Variants in RUVBL1 observed in about 807,000 individuals in gnomAD.
The protein encoded by RUVBL1 is ruvB-like 1.
RUVBL1 carries 4 observed loss-of-function variants against 52.4 expected under a neutral mutation model. That is an observed-to-expected ratio of 0.08 (90% CI 0.04 to 0.17). The LOEUF (loss-of-function observed/expected upper bound fraction) is 0.17, where lower values mean the gene tolerates loss of function less well. Ranked by LOEUF, RUVBL1 falls within the 10% of genes least tolerant of loss-of-function variation. The probability of loss-of-function intolerance (pLI) is 1.00; values close to 1 mark genes in which losing one functional copy is unlikely to be tolerated. For synonymous variants in RUVBL1, 217 were observed against 214.4 expected (o/e 1.01, Z -0.10); for missense variants, 298 against 572.8 (o/e 0.52, Z 4.90).
At chr3:128,078,461 T>A (rs571724993), downstream of RUVBL1, among the ~76,000 whole-genome samples, 19 of 152,282 alleles carry the variant, frequency 1.2e-4, no homozygotes, top group Admixed American at 1.2e-3. Context: ...TCTGGGGCCA[T>A]TAGCACAGGA....
At chr3:128,097,224 T>G in intron 8 of RUVBL1, 76 bp downstream of exon 8, 1 of 1,394,366 alleles carries the variant, frequency 7.2e-7, no homozygotes, top group Non-Finnish European at 1.0e-6. Context: ...CTCATGGGGT[T>G]TGGAGAGATC....
chr3:128,149,150 T>C (rs1224342452), intron 1 of RUVBL1, among the ~76,000 whole-genome samples: 2 of 151,816 alleles, frequency 1.3e-5, no homozygotes, highest in East Asian at 1.9e-4. Flanking sequence ...GGTAGCTTTG[T>C]ATCTGATATA....
rs150890848 is a variant in RUVBL1 at position 128,139,596 on chromosome 3, C to T, written c.-40+13607G>A. Among the ~76,000 whole-genome samples the T allele has an allele frequency of 3.5e-3, 531 of 152,244 alleles. 3 individuals carry two copies. Among genetic ancestry groups the T allele is most frequent in the Non-Finnish European group, 6.1e-3 (412 of 68,008 alleles). Reference sequence around the variant, plus strand: ...AAAAGTAATCAGTATGTCTAAGAGACATCTGTACTCCCGTGTTTACTGCAG... The same window carrying T: ...AAAAGTAATCAGTATGTCTAAGAGATATCTGTACTCCCGTGTTTACTGCAG... On this transcript the variant is annotated intron_variant, in intron 1 of 9. Transcript: ENST00000464873.
At chr3:128,127,177 G>A (rs990240648), upstream of RUVBL1, among the ~76,000 whole-genome samples, 13 of 152,312 alleles carry the variant, frequency 8.5e-5, no homozygotes, top group East Asian at 2.1e-3. Flanking sequence ...AGAGATTCCC[G>A]ATGAAATCCT....
chr3:128,084,733 C>G (rs1942586203), intron 9 of RUVBL1: 1 of 152,164 alleles, frequency 6.6e-6, no homozygotes, highest in South Asian at 2.1e-4. Context: ...AGGGTGTCGG[C>G]TTGGATTGCA....
At chr3:128,093,756 G>A (rs1290870730) in intron 8 of RUVBL1, among the ~76,000 whole-genome samples, 2 of 152,206 alleles carry the variant, frequency 1.3e-5, no homozygotes, top group Non-Finnish European at 2.9e-5. Flanking sequence ...GCAAGTTAGG[G>A]AGGAGCCAGG....
At chr3:128,065,362 T>C (rs955526735) in intron 9 of RUVBL1, 11 of 579,470 alleles carry the variant, frequency 1.9e-5, no homozygotes, top group East Asian at 5.7e-5. Flanking sequence ...TGAAACCTCA[T>C]TGCTCTCTTA....
chr3:128,151,237 TAC>T (rs1944207036), intron 1 of RUVBL1, among the ~76,000 whole-genome samples: 1 of 139,734 alleles, frequency 7.2e-6, no homozygotes, highest in Non-Finnish European at 1.5e-5. Context: ...TATATATATA[TAC>T]TCTATATATC....
rs1457976463 is a variant in RUVBL1, at chr3:128,067,890, G to A, written c.940-2670C>T. The A allele has an allele frequency of 1.6e-5, 16 of 994,090 alleles. No homozygotes were observed. Among genetic ancestry groups the A allele is most frequent in the East Asian group, 4.8e-5 (2 of 41,882 alleles). The allele number at this position is 994,090 out of a possible 1,614,324, so 61.6% of individuals were successfully genotyped here. A position where few individuals can be genotyped will look rare whatever the true frequency, so the allele number is the denominator to read the frequency against. Reference sequence around the variant, plus strand: ...CTCTGTATGAATATTGTCAGTGCTCGAAGAGGCGATCTGTAACTGTTCAGT... The same window carrying A: ...CTCTGTATGAATATTGTCAGTGCTCAAAGAGGCGATCTGTAACTGTTCAGT... On this transcript the variant is annotated intron_variant, in intron 9 of 9. Transcript: ENST00000464873. The surrounding 1 kb of genome is among the most constrained non-coding windows in gnomAD (Gnocchi z 4.1).
upstream of RUVBL1, among the ~76,000 whole-genome samples, chr3:128,125,165 C>T (rs1450381619): frequency 6.6e-6 from 1 of 151,880 alleles, no homozygotes; most frequent in Non-Finnish European, 1.5e-5. Context: ...CAGGCGCCCA[C>T]CATCACGCCC....
chr3:128,153,898 C>G (rs1164821256), exon 1 of RUVBL1: 35 of 1,424,728 alleles, frequency 2.5e-5, no homozygotes, highest in Non-Finnish European at 3.1e-5. Flanking sequence ...CGAATTCGCT[C>G]GAGCCTTTGC....
At chr3:128,089,361 G>A (rs187159987) in intron 8 of RUVBL1, among the ~76,000 whole-genome samples, 8 of 152,252 alleles carry the variant, frequency 5.3e-5, no homozygotes, top group Admixed American at 5.2e-4. Flanking sequence ...GTAGGCTTCT[G>A]CCTTGGCCTC....
At chr3:128,134,334 G>A (rs1943920575) in intron 1 of RUVBL1, among the ~76,000 whole-genome samples, 1 of 151,812 alleles carries the variant, frequency 6.6e-6, no homozygotes, top group African/African-American at 2.4e-5. Flanking sequence ...GCGGTGGTAG[G>A]CGCCTGTAAT....
intron 1 of RUVBL1, among the ~76,000 whole-genome samples, chr3:128,136,007 TC>T (rs1412009175): frequency 6.6e-6 from 1 of 152,186 alleles, no homozygotes; most frequent in Non-Finnish European, 1.5e-5. Flanking sequence ...TTCTCTTTGT[TC>T]TTTTTTTTGG....
chr3:128,075,758 A>G (rs1223025171), intron 9 of RUVBL1: 3 of 152,018 alleles, frequency 2.0e-5, no homozygotes, highest in Admixed American at 6.5e-5. Context: ...GTCCGCCCAC[A>G]CGGGGGCGCT....
intron 1 of RUVBL1, among the ~76,000 whole-genome samples, chr3:128,150,617 ATATATTCTATG>A (rs57391249): frequency 0.02 from 2,724 of 136,174 alleles, 99 homozygotes; most frequent in African/African-American, 0.058. Flanking sequence ...CTAATAGAAT[ATATATTCTATG>A]TATATATTCT....
intron 1 of RUVBL1, among the ~76,000 whole-genome samples, chr3:128,151,226 CTATA>C (rs539344394): frequency 7.5e-6 from 1 of 132,756 alleles, no homozygotes; most frequent in Non-Finnish European, 1.6e-5. Context: ...TGTATATATT[CTATA>C]TATATATACT....
intron 3 of RUVBL1, among the ~76,000 whole-genome samples, chr3:128,105,865 C>CTTTTTTTT (rs11311563): frequency 2.5e-4 from 22 of 88,908 alleles, no homozygotes; most frequent in Non-Finnish European, 3.0e-4. Flanking sequence ...TTCCCTTTTT[C>CTTTTTTTT]TTTTTTTTTT....
chr3:128,078,949 G>A (rs1485994795), downstream of RUVBL1: 2 of 152,260 alleles, frequency 1.3e-5, no homozygotes, highest in African/African-American at 4.8e-5. Flanking sequence ...ATCTCTCTGG[G>A]TACCACCTCA....
Sources: allele counts gnomAD v4.1 joint callset (sites outside exome capture counted in the v4.1 genomes callset), GRCh38; gene constraint gnomAD v4.1.1; non-coding constraint Gnocchi (gnomAD v3.1); transcripts MANE v1.5; gene names NCBI Gene and HGNC (gene_info 2026-07-23, HGNC 2026-07-21).